Variants in ESCO2 observed in about 807,000 individuals in gnomAD.
ESCO2 encodes the protein N-acetyltransferase ESCO2.
A neutral mutation model predicts 61.7 loss-of-function variants in ESCO2; 51 were observed. The observed-to-expected ratio is 0.83, with a 90% CI of 0.66 to 1.04. The LOEUF is 1.04. Ranked by LOEUF, ESCO2 falls within the 50% of genes least tolerant of loss-of-function variation. The pLI is 0.00. For missense variants in ESCO2, 692 were observed against 686.2 expected (o/e 1.01, Z -0.09); for synonymous variants, 230 against 238.2 (o/e 0.97, Z 0.32).
At chr8:27,813,875 ACCTGTG>A (rs905414038), downstream of ESCO2, among the ~76,000 whole-genome samples, 1 of 152,150 alleles carries the variant, frequency 6.6e-6, no homozygotes, top group African/African-American at 2.4e-5. Flanking sequence ...GGATTTTGAT[ACCTGTG>A]TTTGTGAAGG....
chr8:27,802,607 CAAA>C (rs1188348304), intron 10 of ESCO2, among the ~76,000 whole-genome samples: 340 of 28,946 alleles, frequency 0.012, 1 homozygote, highest in Non-Finnish European at 0.023. Flanking sequence ...GACTCTGTCT[CAAA>C]AAAAAAAAAA....
At chr8:27,811,269 A>G, downstream of ESCO2, 9 of 704,840 alleles carry the variant, frequency 1.3e-5, 1 homozygote, top group South Asian at 1.5e-4. Context: ...GTAAAAATAC[A>G]CTCAACCTCA....
Position 27,777,090 on chromosome 8 carries a change from C to T in ESCO2, c.782C>T (p.Pro261Leu). 1 of 1,602,646 alleles carries T rather than the reference C, an allele frequency of 6.2e-7. No individual in the cohort carries two copies. The highest frequency in any genetic ancestry group is 1.1e-5 in the South Asian group (1 of 87,628). Reference sequence around the variant, plus strand: ...AAAACTTTTGCGACAAGGCAAGTGCCAAAGTGCTTGGTCCTAGAAGAGAAA... The same window carrying T: ...AAAACTTTTGCGACAAGGCAAGTGCTAAAGTGCTTGGTCCTAGAAGAGAAA... ...EKKTFATRQV[P>L]KCLVLEEKLK... is the part of the protein sequence containing the mutation. Residue 261 changes from proline to leucine, a missense_variant, in exon 3 of 11, where the codon CCA becomes CTA. Coordinates refer to ENST00000305188, the MANE Select transcript of ESCO2 (RefSeq NM_001017420.3).
downstream of ESCO2, chr8:27,810,548 C>A (rs1172499248): frequency 1.6e-6 from 2 of 1,215,350 alleles, no homozygotes; most frequent in South Asian, 2.6e-5. Context: ...CACTTTATGT[C>A]ATGGAAAAGT....
the ESCO2 span, among the ~76,000 whole-genome samples, chr8:27,817,781 T>C: frequency 6.6e-6 from 1 of 152,162 alleles, no homozygotes; most frequent in Non-Finnish European, 1.5e-5. Flanking sequence ...TGAAAGGTTC[T>C]ACCACAAGAA....
chr8:27,787,994 C>T lies in ESCO2; in HGVS notation c.1123C>T (p.Leu375Phe), dbSNP rs1472703462. ...RDTSKKTKDQ[L>F]IIDAGQKHFG... The stretch of plus-strand genomic sequence containing the variant: ...TACAAGTAAAAAAACAAAAGACCAG[C>T]TCATCATCGTGAGTAAATTCCAAAC... Residue 375 changes from leucine (L) to phenylalanine (F), a missense_variant, in exon 6 of 11, where the codon CTC becomes TTC. Physicochemically the swap from Leu to Phe is conservative, Grantham distance 22. Transcript: ENST00000305188. The T allele has an allele frequency of 6.2e-7, 1 of 1,608,214 alleles. No individual in the cohort carries two copies. The highest frequency in any genetic ancestry group is 8.5e-7 in the Non-Finnish European group (1 of 1,174,916).
At chr8:27,772,782 G>C, upstream of ESCO2, 1 of 548,788 alleles carries the variant, frequency 1.8e-6, no homozygotes. Flanking sequence ...TGGGCATCTT[G>C]GGCACGTTAG....
intron 9 of ESCO2, among the ~76,000 whole-genome samples, chr8:27,794,793 T>C (rs1380982971): frequency 1.3e-5 from 2 of 152,222 alleles, no homozygotes; most frequent in East Asian, 1.9e-4. Flanking sequence ...CTTCTGTTTG[T>C]GGATATTCAT....
At position 27,799,553 on chromosome 8, in the gene ESCO2, C is replaced by G. The variant is rs368306137; in HGVS notation, c.1510C>G (p.Leu504Val). The stretch of plus-strand genomic sequence containing the variant: ...TATATCATTGCAGGCATTTCGTGTC[C>G]TGTCTGAACCAATTGGTCCAGAATC... The part of the protein sequence containing the change: ...AEPIKQAFRV[L>V]SEPIGPESPS... The change falls in exon 10 of 11, where the codon CTG becomes GTG. Residue 504 changes from leucine to valine, a missense_variant. Coordinates refer to ENST00000305188, the MANE Select transcript of ESCO2 (RefSeq NM_001017420.3). 15 of 1,613,780 alleles carry G rather than the reference C, an allele frequency of 9.3e-6. No homozygotes were observed. Among genetic ancestry groups the G allele is most frequent in the Non-Finnish European group, 1.2e-5 (14 of 1,179,958 alleles).
chr8:27,780,617 T>A (rs1406735973), intron 4 of ESCO2, among the ~76,000 whole-genome samples: 1 of 152,238 alleles, frequency 6.6e-6, no homozygotes, highest in African/African-American at 2.4e-5. Flanking sequence ...CTATTATGTA[T>A]ATTTGTGATC....
chr8:27,784,150 G>GTT, intron 5 of ESCO2, 93 bp downstream of exon 5: 9 of 1,217,058 alleles, frequency 7.4e-6, no homozygotes, highest in African/African-American at 1.5e-5. Flanking sequence ...AATTTGGGGA[G>GTT]TTTTTTTTTC....
chr8:27,794,725 T>G, intron 9 of ESCO2, among the ~76,000 whole-genome samples: 1 of 152,202 alleles, frequency 6.6e-6, no homozygotes, highest in East Asian at 1.9e-4. Flanking sequence ...ATTTTAAGTC[T>G]TTCATCCATT....
At chr8:27,796,652 G>A (rs1186298210) in intron 9 of ESCO2, among the ~76,000 whole-genome samples, 2 of 152,028 alleles carry the variant, frequency 1.3e-5, no homozygotes, top group African/African-American at 4.8e-5. Flanking sequence ...AGGAGCATGT[G>A]GTTTAATTTT....
At chr8:27,781,201 T>A (rs1585394505) in intron 4 of ESCO2, among the ~76,000 whole-genome samples, 1 of 152,088 alleles carries the variant, frequency 6.6e-6, no homozygotes, top group African/African-American at 2.4e-5. Flanking sequence ...CCTACTACTC[T>A]AGGTCCTGAT....
chr8:27,817,496 T>TA (rs1352191656), downstream of ESCO2, among the ~76,000 whole-genome samples: 1 of 152,128 alleles, frequency 6.6e-6, no homozygotes, highest in African/African-American at 2.4e-5. Flanking sequence ...TTATTAGGAT[T>TA]ATTAACTGTT....
At chr8:27,802,091 A>G (rs1430496698) in intron 10 of ESCO2, among the ~76,000 whole-genome samples, 1 of 146,168 alleles carries the variant, frequency 6.8e-6, no homozygotes, top group African/African-American at 2.5e-5. Context: ...GAAAAATTTG[A>G]AGAGTGCAAG....
chr8:27,772,674 T>G (rs748385370), upstream of ESCO2: 1 of 810,378 alleles, frequency 1.2e-6, no homozygotes, highest in Non-Finnish European at 1.9e-6. Context: ...TCGGGGCGCG[T>G]CATAACGCCG....
chr8:27,772,614 C>G (rs17478478), upstream of ESCO2: 52 of 1,468,492 alleles, frequency 3.5e-5, no homozygotes, highest in South Asian at 1.1e-4. Context: ...ATACCAGACT[C>G]GCGGCGGCCG....
chr8:27,802,078 A>G (rs1489991697), intron 10 of ESCO2, among the ~76,000 whole-genome samples: 1 of 143,980 alleles, frequency 6.9e-6, no homozygotes, highest in African/African-American at 2.6e-5. Flanking sequence ...GTCTTTTGAC[A>G]TGGAAAAATT....
Sources: gnomAD v4.1 joint callset for allele counts (sites outside exome capture counted in the v4.1 genomes callset) on GRCh38, gnomAD v4.1.1 for gene constraint, MANE v1.5 for transcripts, NCBI Gene and HGNC (gene_info 2026-07-23, HGNC 2026-07-21) for gene names.